The following CSMD1 variants were observed in gnomAD, a reference collection of about 807,000 sequenced individuals.
CSMD1 encodes the protein CUB and Sushi multiple domains 1, also known as CUB and sushi domain-containing protein 1.
CSMD1 carries 213 observed loss-of-function variants against 417.5 expected under a neutral mutation model. The observed-to-expected ratio is 0.51, with a 90% confidence interval of 0.46 to 0.57. CSMD1 has a LOEUF of 0.57. CSMD1 is among the 20% of genes least tolerant of loss of function. CSMD1 has a pLI of 0.00. For missense variants in CSMD1, 6,923 were observed against 4,529.7 expected (o/e 1.53, Z -15.17); for synonymous variants, 2,862 against 1,736.8 (o/e 1.65, Z -16.11).
At chr8:3,628,864 C>A (rs1244851154) in intron 7 of CSMD1, among the ~76,000 whole-genome samples, 1 of 128,924 alleles carries the variant, frequency 7.8e-6, no homozygotes, top group Non-Finnish European at 1.8e-5. Flanking sequence ...CCCAAATAAT[C>A]TAAGTTTTTT....
At chr8:4,213,236 G>A (rs943573827) in intron 3 of CSMD1, among the ~76,000 whole-genome samples, 1 of 152,172 alleles carries the variant, frequency 6.6e-6, no homozygotes, top group African/African-American at 2.4e-5. Flanking sequence ...TGAACCAGCT[G>A]GGTGGCTCCA....
chr8:3,754,651 T>C (rs1354559855), intron 5 of CSMD1, among the ~76,000 whole-genome samples: 1 of 152,140 alleles, frequency 6.6e-6, no homozygotes, highest in Non-Finnish European at 1.5e-5. Flanking sequence ...GACAAGGTTT[T>C]GCCGTGTTGG....
chr8:4,129,099 A>C (rs1802939478), intron 3 of CSMD1, among the ~76,000 whole-genome samples: 3 of 150,850 alleles, frequency 2.0e-5, no homozygotes, highest in Middle Eastern at 3.5e-3. Flanking sequence ...AAAACAAAAC[A>C]AAAAAAACAG....
intron 25 of CSMD1, among the ~76,000 whole-genome samples, chr8:3,307,092 T>TC (rs1563252819): frequency 2.6e-5 from 4 of 152,194 alleles, no homozygotes; most frequent in Non-Finnish European, 4.4e-5. Flanking sequence ...AAAATATGAC[T>TC]TTGCTTCTCT....
intron 2 of CSMD1, among the ~76,000 whole-genome samples, chr8:4,458,716 T>G (rs1293766062): frequency 6.6e-6 from 1 of 152,198 alleles, no homozygotes; most frequent in African/African-American, 2.4e-5. Flanking sequence ...ATTTCTTTAT[T>G]AGTGGGAAAA....
chr8:3,671,466 T>C (rs1043395663), intron 7 of CSMD1, among the ~76,000 whole-genome samples: 13 of 139,048 alleles, frequency 9.3e-5, no homozygotes, highest in African/African-American at 3.5e-4. Context: ...ATCATACACA[T>C]ATAATCATAT....
In CSMD1 at chr8:3,358,363, G is replaced by T. The variant is rs183276635; in HGVS notation, c.3304+789C>A. On this transcript the variant is annotated intron_variant, in intron 21 of 69. Coordinates refer to ENST00000635120, the MANE Select transcript of CSMD1 (RefSeq NM_033225.6). The stretch of plus-strand genomic sequence containing the variant: ...AGACCCAGAATATGCTGAGCAACAT[G>T]GCTGGGTGGCAGGAACTAGACGTTG... 5.5e-4 allele frequency among the ~76,000 whole-genome samples: 84 copies of T among 152,288 alleles called. 1 individual carries two copies. Among genetic ancestry groups the T allele is most frequent in the Admixed American group, 5.2e-3 (80 of 15,296 alleles).
chr8:4,155,734 T>C (rs1354501244), intron 3 of CSMD1, among the ~76,000 whole-genome samples: 2 of 152,124 alleles, frequency 1.3e-5, no homozygotes, highest in Non-Finnish European at 2.9e-5. Context: ...GAAACATTCC[T>C]CCGTGTCAGC....
chr8:4,430,466 T>G (rs180683771), intron 2 of CSMD1, among the ~76,000 whole-genome samples: 23 of 152,258 alleles, frequency 1.5e-4, no homozygotes, highest in African/African-American at 4.6e-4. Flanking sequence ...TTATGGTGAT[T>G]TAATAGACAT....
intron 2 of CSMD1, among the ~76,000 whole-genome samples, chr8:4,456,169 G>C (rs370828762): frequency 2.4e-4 from 36 of 151,362 alleles, no homozygotes; most frequent in African/African-American, 8.2e-4. Flanking sequence ...CCTGTCTTTT[G>C]GAAAAAGCAT....
rs1049070334 is a variant in CSMD1 at position 3,468,815 on chromosome 8, T to C, written c.1458A>G (p.Gly486=). The C allele has an allele frequency of 4.4e-6, 7 of 1,594,108 alleles. No homozygotes were observed. The highest frequency in any genetic ancestry group is 5.1e-6 in the Non-Finnish European group (6 of 1,170,052). Residue 486 remains glycine, a synonymous_variant, in exon 12 of 70, where the codon GGA becomes GGG. Coordinates refer to ENST00000635120, the MANE Select transcript of CSMD1 (RefSeq NM_033225.6). ...DTRSVLYVLT[G]SSVPDLIVSM... ...TCACAATGAGGTCAGGAACACTGGATCCCGTGAGCCTGCAAGAAAGAGAAA... is the reference window on the plus strand; with the variant it reads ...TCACAATGAGGTCAGGAACACTGGACCCCGTGAGCCTGCAAGAAAGAGAAA...
intron 12 of CSMD1, among the ~76,000 whole-genome samples, chr8:3,435,302 G>T (rs1264383416): frequency 6.6e-6 from 1 of 152,168 alleles, no homozygotes. Flanking sequence ...ATTTCACTGG[G>T]AAAGATGAAG....
At chr8:3,479,767 A>G (rs1817631098) in intron 11 of CSMD1, among the ~76,000 whole-genome samples, 1 of 152,220 alleles carries the variant, frequency 6.6e-6, no homozygotes, top group Non-Finnish European at 1.5e-5. Context: ...AAAGACAATC[A>G]ACCAACCCCA....
intron 2 of CSMD1, among the ~76,000 whole-genome samples, chr8:4,485,647 C>G (rs112117612): frequency 3.9e-5 from 6 of 152,056 alleles, no homozygotes; most frequent in African/African-American, 1.4e-4. Flanking sequence ...TGTATGCTAT[C>G]GCAGAGCCCA....
chr8:4,354,806 C>G (rs1422047632), intron 3 of CSMD1, among the ~76,000 whole-genome samples: 4 of 150,482 alleles, frequency 2.7e-5, no homozygotes, highest in African/African-American at 7.3e-5. Flanking sequence ...GTTTATCAAA[C>G]TTAGTATTAT....
chr8:4,383,969 C>A (rs903745987), intron 3 of CSMD1, among the ~76,000 whole-genome samples: 2 of 152,144 alleles, frequency 1.3e-5, no homozygotes, highest in African/African-American at 2.4e-5. Context: ...GCTCTCTCAA[C>A]AGCATACCCT....
chr8:3,496,990 C>T (rs976527094), intron 10 of CSMD1, among the ~76,000 whole-genome samples: 1 of 152,102 alleles, frequency 6.6e-6, no homozygotes, highest in African/African-American at 2.4e-5. Flanking sequence ...TTATCTGTTA[C>T]AGTCAAAAAA....
chr8:4,608,921 G>C (rs529837889), intron 2 of CSMD1, among the ~76,000 whole-genome samples: 1 of 151,714 alleles, frequency 6.6e-6, no homozygotes, highest in East Asian at 1.9e-4. Flanking sequence ...CCAAAGTTAA[G>C]CCCTGTAAAC....
rs555114649 is a variant in CSMD1, at chr8:4,571,515, T to A, written c.302+65827A>T. On this transcript the variant is annotated intron_variant, in intron 2 of 69. Coordinates refer to ENST00000635120, the MANE Select transcript of CSMD1 (RefSeq NM_033225.6). ...CACTGTGGTCTGAGAGACTGTTTGTTATGATTTATGTTCCTTTACATTTGC... is the reference window on the plus strand; with the variant it reads ...CACTGTGGTCTGAGAGACTGTTTGTAATGATTTATGTTCCTTTACATTTGC... 1.1e-4 allele frequency among the ~76,000 whole-genome samples: 17 copies of A among 152,314 alleles called. No homozygotes were observed. The South Asian group carries it at 3.5e-3, about 32-fold the overall frequency.
Sources: gnomAD v4.1 joint callset for allele counts (sites outside exome capture counted in the v4.1 genomes callset) on GRCh38, gnomAD v4.1.1 for gene constraint, MANE v1.5 for transcripts, NCBI Gene and HGNC (gene_info 2026-07-23, HGNC 2026-07-21) for gene names.